Variants in OPCML observed in about 807,000 individuals in gnomAD.
OPCML encodes opioid-binding protein/cell adhesion molecule.
In OPCML, 13 loss-of-function variants were observed where a neutral mutation model predicts 37.8. The ratio of observed to expected loss-of-function variants is 0.34; its 90% CI spans 0.22 to 0.55. OPCML has a LOEUF of 0.55. Among genes scored for constraint, OPCML ranks in the 20% least tolerant of loss-of-function variants. The probability of loss-of-function intolerance (pLI) is 0.91; values close to 1 mark genes in which losing one functional copy is unlikely to be tolerated. For synonymous variants in OPCML, 176 were observed against 168.8 expected, an observed-to-expected ratio of 1.04 and a Z score of -0.33; for missense variants, 341 against 435.6, an observed-to-expected ratio of 0.78 and a Z score of 1.93.
chr11:133,006,498 C>T (rs1208513661), intron 1 of OPCML: 2 of 985,308 alleles, frequency 2.0e-6, no homozygotes, highest in East Asian at 1.1e-4. Flanking sequence ...TCTCCTTAAT[C>T]ATCATAACTT....
At chr11:132,555,537 G>A (rs2096393430) in intron 3 of OPCML, among the ~76,000 whole-genome samples, 1 of 152,138 alleles carries the variant, frequency 6.6e-6, no homozygotes, top group Non-Finnish European at 1.5e-5. Flanking sequence ...AATTCAAGAT[G>A]AGATTTGGGT....
intron 1 of OPCML, among the ~76,000 whole-genome samples, chr11:133,147,164 G>C (rs142481752): frequency 1.1e-4 from 16 of 152,166 alleles, no homozygotes; most frequent in Admixed American, 1.0e-3. Flanking sequence ...CTTCAGGGGG[G>C]TGTTCCTATC....
intron 2 of OPCML, among the ~76,000 whole-genome samples, chr11:132,661,759 A>ACTT (rs1565756109): frequency 6.6e-6 from 1 of 152,232 alleles, no homozygotes; most frequent in Non-Finnish European, 1.5e-5. Flanking sequence ...TAACCTCTAA[A>ACTT]ATTATATATT....
chr11:132,904,368 T>C (rs1944163573), intron 2 of OPCML, among the ~76,000 whole-genome samples: 1 of 152,062 alleles, frequency 6.6e-6, no homozygotes, highest in African/African-American at 2.4e-5. Flanking sequence ...AAAATCTAAA[T>C]AACAACAGCA....
chr11:133,178,765 G>A (rs1161957131), intron 1 of OPCML, among the ~76,000 whole-genome samples: 3 of 152,108 alleles, frequency 2.0e-5, no homozygotes, highest in South Asian at 2.1e-4. Flanking sequence ...TTCCATAGAT[G>A]CTTTAATTCA....
intron 1 of OPCML, among the ~76,000 whole-genome samples, chr11:132,963,590 C>CAA (rs956752290): frequency 1.6e-4 from 16 of 97,994 alleles, no homozygotes; most frequent in Admixed American, 1.1e-4. Flanking sequence ...GACTGGGTCT[C>CAA]AAAAAAAAAA....
chr11:133,294,380 T>G (rs1301087470), intron 1 of OPCML, among the ~76,000 whole-genome samples: 3 of 152,130 alleles, frequency 2.0e-5, no homozygotes, highest in African/African-American at 4.8e-5. Context: ...ACCTGCCTTC[T>G]CCTCCTCTTC....
At chr11:133,155,134 G>T (rs2137200999) in intron 1 of OPCML, among the ~76,000 whole-genome samples, 1 of 152,230 alleles carries the variant, frequency 6.6e-6, no homozygotes, top group South Asian at 2.1e-4. Flanking sequence ...GGAAATACTT[G>T]CTAGTGAAAA....
chr11:133,443,960 A>C (rs1471295769), intron 1 of OPCML, among the ~76,000 whole-genome samples: 1 of 152,130 alleles, frequency 6.6e-6, no homozygotes, highest in Non-Finnish European at 1.5e-5. Context: ...AAAAAAACTA[A>C]ATAGAAAGGG....
intron 1 of OPCML, among the ~76,000 whole-genome samples, chr11:133,342,748 A>G (rs1943902220): frequency 6.6e-6 from 1 of 152,198 alleles, no homozygotes; most frequent in African/African-American, 2.4e-5. Context: ...GCCCAGGCTC[A>G]GGACAATGCT....
intron 4 of OPCML, among the ~76,000 whole-genome samples, chr11:132,440,169 G>T (rs558938580): frequency 1.4e-4 from 21 of 152,190 alleles, no homozygotes; most frequent in Non-Finnish European, 2.5e-4. Flanking sequence ...TGTTTTTATG[G>T]GACCAGTTAT....
At position 133,014,615 on chromosome 11, in the gene OPCML, G is replaced by A. The variant is rs1175181427; in HGVS notation, c.62-71605C>T. Among the ~76,000 whole-genome samples the A allele has an allele frequency of 4.6e-5, 7 of 152,136 alleles. No homozygotes were observed. The South Asian group carries it at 6.2e-4, about 14-fold the overall frequency. ...AGGAGACAGTCCTTTGCCTTCATTC[G>A]GTGATGCATTCAATGTCCTCCTACA... On this transcript the variant is annotated intron_variant, in intron 1 of 7. Coordinates refer to ENST00000524381, the MANE Select transcript of OPCML (RefSeq NM_001012393.5).
chr11:133,118,653 A>G (rs1220943160), intron 1 of OPCML, among the ~76,000 whole-genome samples: 1 of 151,996 alleles, frequency 6.6e-6, no homozygotes, highest in African/African-American at 2.4e-5. Flanking sequence ...ACCATATGAA[A>G]AAAAAAAAAG....
rs34333844 is a variant in OPCML at position 133,180,838 on chromosome 11, C to CAAAAA, written c.62-237833_62-237829dup. Among the ~76,000 whole-genome samples the CAAAAA allele has an allele frequency of 2.5e-3, 238 of 93,576 alleles. 9 individuals carry two copies. The highest frequency in any genetic ancestry group is 8.6e-3 in the African/African-American group (226 of 26,338). The allele number at this position is 93,576 out of a possible 152,430, so 61.4% of individuals were successfully genotyped here. ...TGGAGACAGCGAGTGCTCAGCAAAG[C>CAAAAA]AAAAAAAAAAAAAAAAAGTGGGGAT... On this transcript the variant is annotated intron_variant, in intron 1 of 7. Coordinates refer to ENST00000524381, the MANE Select transcript of OPCML (RefSeq NM_001012393.5).
At chr11:132,585,030 T>C (rs980005501) in intron 3 of OPCML, among the ~76,000 whole-genome samples, 2 of 152,198 alleles carry the variant, frequency 1.3e-5, no homozygotes, top group African/African-American at 4.8e-5. Flanking sequence ...ACAGTCTGTC[T>C]ACACATCCAG....
intron 7 of OPCML, among the ~76,000 whole-genome samples, chr11:132,423,070 A>T (rs1203452035): frequency 6.6e-6 from 1 of 152,194 alleles, no homozygotes; most frequent in African/African-American, 2.4e-5. Flanking sequence ...TAGGAGAGAT[A>T]GTTGGTGAGT....
At chr11:132,591,685 G>A (rs1252223630) in intron 3 of OPCML, among the ~76,000 whole-genome samples, 1 of 152,174 alleles carries the variant, frequency 6.6e-6, no homozygotes, top group African/African-American at 2.4e-5. Flanking sequence ...GCCTCCACAG[G>A]CACCTATGAG....
At chr11:132,944,300 T>C (rs897516870) in intron 1 of OPCML, among the ~76,000 whole-genome samples, 1 of 152,150 alleles carries the variant, frequency 6.6e-6, no homozygotes, top group African/African-American at 2.4e-5. Flanking sequence ...AGCGCAGAAG[T>C]TGACAAACCC....
chr11:133,304,437 G>A (rs532324310), intron 1 of OPCML, among the ~76,000 whole-genome samples: 10 of 152,142 alleles, frequency 6.6e-5, no homozygotes, highest in Non-Finnish European at 1.3e-4. Flanking sequence ...CCATGAACTG[G>A]GACCTGTTAT....
Sources: allele counts gnomAD v4.1 joint callset (sites outside exome capture counted in the v4.1 genomes callset), GRCh38; gene constraint gnomAD v4.1.1; transcripts MANE v1.5; gene names NCBI Gene and HGNC (gene_info 2026-07-23, HGNC 2026-07-21).